Variants in KCTD16 observed in about 807,000 individuals in gnomAD.
KCTD16 encodes potassium channel tetramerization domain containing 16, also known as BTB/POZ domain-containing protein KCTD16.
In KCTD16, 13 loss-of-function variants were observed where a neutral mutation model predicts 33.2. That is an observed-to-expected ratio of 0.39 (90% confidence interval 0.25 to 0.62). KCTD16 has a LOEUF of 0.62. Ranked by LOEUF, KCTD16 falls within the 20% of genes least tolerant of loss-of-function variation. The pLI is 0.50. For synonymous variants in KCTD16, 197 were observed against 195.3 expected (o/e 1.01, Z -0.07); for missense variants, 441 against 525.1 (o/e 0.84, Z 1.57).
intron 3 of KCTD16, among the ~76,000 whole-genome samples, chr5:144,341,892 G>T (rs557209356): frequency 6.6e-6 from 1 of 152,216 alleles, no homozygotes; most frequent in African/African-American, 2.4e-5. Flanking sequence ...GTGCACATTT[G>T]TGTAACAGTA....
intron 3 of KCTD16, among the ~76,000 whole-genome samples, chr5:144,407,964 T>C (rs1251996326): frequency 6.6e-6 from 1 of 152,226 alleles, no homozygotes; most frequent in African/African-American, 2.4e-5. Flanking sequence ...TTTGGATTGT[T>C]CCAAGTATTT....
At chr5:144,182,079 C>G (rs532388616) in intron 2 of KCTD16, among the ~76,000 whole-genome samples, 34 of 140,590 alleles carry the variant, frequency 2.4e-4, no homozygotes, top group Admixed American at 9.0e-4. Flanking sequence ...AAGTGAAACT[C>G]CATCTCAAAA....
At chr5:144,440,311 G>A (rs1026956507) in intron 3 of KCTD16, among the ~76,000 whole-genome samples, 5 of 152,048 alleles carry the variant, frequency 3.3e-5, no homozygotes, top group Non-Finnish European at 7.3e-5. Flanking sequence ...TTCACTATGC[G>A]CCATCGTCCT....
At chr5:144,308,180 C>T (rs1751658268) in intron 3 of KCTD16, among the ~76,000 whole-genome samples, 1 of 152,116 alleles carries the variant, frequency 6.6e-6, no homozygotes, top group African/African-American at 2.4e-5. Flanking sequence ...ATTTTAATTG[C>T]CTTTATCTTA....
intron 3 of KCTD16, among the ~76,000 whole-genome samples, chr5:144,230,890 C>A (rs1306458914): frequency 6.6e-6 from 1 of 152,208 alleles, no homozygotes; most frequent in African/African-American, 2.4e-5. Flanking sequence ...GCATTCTAGG[C>A]AGCAGGATGA....
At chr5:144,428,446 A>G (rs1381784647) in intron 3 of KCTD16, among the ~76,000 whole-genome samples, 1 of 152,154 alleles carries the variant, frequency 6.6e-6, no homozygotes, top group Non-Finnish European at 1.5e-5. Flanking sequence ...GTCAGAATAC[A>G]TTTATTAAAA....
intron 3 of KCTD16, among the ~76,000 whole-genome samples, chr5:144,391,967 T>C (rs1752459021): frequency 6.6e-6 from 1 of 152,160 alleles, no homozygotes; most frequent in Non-Finnish European, 1.5e-5. Context: ...CTATAGATGG[T>C]GGGGAAAAAA....
intron 2 of KCTD16, among the ~76,000 whole-genome samples, chr5:144,196,330 A>G (rs1026593825): frequency 3.9e-5 from 6 of 152,154 alleles, no homozygotes; most frequent in African/African-American, 1.4e-4. Context: ...ATAAAACTCC[A>G]TCAGTCACTT....
At chr5:144,175,101 G>A (rs1292289360) in intron 2 of KCTD16, among the ~76,000 whole-genome samples, 1 of 152,186 alleles carries the variant, frequency 6.6e-6, no homozygotes, top group East Asian at 1.9e-4. Context: ...TGAAAAATAT[G>A]ACAGCTAACA....
At chr5:144,231,127 C>G (rs1754088917) in intron 3 of KCTD16, among the ~76,000 whole-genome samples, 1 of 152,120 alleles carries the variant, frequency 6.6e-6, no homozygotes, top group African/African-American at 2.4e-5. Flanking sequence ...TTTCTTCCTT[C>G]TATTTTCATT....
chr5:144,204,669 T>C (rs1274032824), intron 2 of KCTD16, among the ~76,000 whole-genome samples: 1 of 152,184 alleles, frequency 6.6e-6, no homozygotes, highest in Admixed American at 6.5e-5. Context: ...TAATGACTTA[T>C]GGATGTAAAC....
At chr5:144,335,174 C>A (rs895929743) in intron 3 of KCTD16, among the ~76,000 whole-genome samples, 5 of 152,134 alleles carry the variant, frequency 3.3e-5, no homozygotes, top group African/African-American at 1.2e-4. Context: ...AAAGCATTCA[C>A]CCAGAATTAA....
chr5:144,316,255 C>T (rs1751909669), intron 3 of KCTD16, among the ~76,000 whole-genome samples: 1 of 152,108 alleles, frequency 6.6e-6, no homozygotes, highest in South Asian at 2.1e-4. Context: ...CTGCCCTGGG[C>T]ATCTGCCTGG....
intron 3 of KCTD16, among the ~76,000 whole-genome samples, chr5:144,363,325 G>A (rs1751759655): frequency 6.6e-6 from 1 of 152,052 alleles, no homozygotes; most frequent in South Asian, 2.1e-4. Flanking sequence ...CTGGGTGACA[G>A]AGGAGGACTC....
At chr5:144,397,961 G>A (rs1468752499) in intron 3 of KCTD16, among the ~76,000 whole-genome samples, 1 of 152,188 alleles carries the variant, frequency 6.6e-6, no homozygotes. Flanking sequence ...GACTGTGTTG[G>A]ATAGAGCATG....
Position 144,207,560 on chromosome 5 carries a change from GT to G in KCTD16, c.832+16del. On this transcript the variant is annotated intron_variant, in intron 3 of 3. Coordinates refer to ENST00000512467, the MANE Select transcript of KCTD16 (RefSeq NM_020768.4). ...ATGTCTTCTACCGTAAGTACAAAGG[GT>G]TGTTTTAATTTTTTATGTGTGTCAA... is the stretch of plus-strand genomic sequence containing the variant. 6.3e-7 allele frequency: 1 copy of G among 1,585,252 alleles called. No homozygotes were observed. Among genetic ancestry groups the G allele is most frequent in the Non-Finnish European group, 8.6e-7 (1 of 1,160,644 alleles).
At chr5:144,411,167 C>A (rs916479699) in intron 3 of KCTD16, among the ~76,000 whole-genome samples, 3 of 152,170 alleles carry the variant, frequency 2.0e-5, no homozygotes, top group Admixed American at 6.5e-5. Context: ...ACATTCTTCA[C>A]AGAATTAGAA....
chr5:144,335,898 G>T (rs978490362), intron 3 of KCTD16, among the ~76,000 whole-genome samples: 4 of 152,134 alleles, frequency 2.6e-5, no homozygotes, highest in African/African-American at 9.7e-5. Flanking sequence ...CTTAGAAAAT[G>T]GGAGCTGCTC....
intron 3 of KCTD16, among the ~76,000 whole-genome samples, chr5:144,367,956 T>TA (rs1487654493): frequency 4.0e-5 from 6 of 151,858 alleles, no homozygotes; most frequent in Non-Finnish European, 8.8e-5. Flanking sequence ...ACTCTTCTGA[T>TA]ACGTTCTAAC....
Sources: allele counts gnomAD v4.1 joint callset (sites outside exome capture counted in the v4.1 genomes callset), GRCh38; gene constraint gnomAD v4.1.1; transcripts MANE v1.5; gene names NCBI Gene and HGNC (gene_info 2026-07-23, HGNC 2026-07-21).